The following CLPB variants were observed in gnomAD, a reference collection of about 807,000 sequenced individuals.
The protein encoded by CLPB is ClpB family mitochondrial disaggregase.
In CLPB, 40 loss-of-function variants were observed where a neutral mutation model predicts 78.4. The observed-to-expected ratio is 0.51, with a 90% CI of 0.40 to 0.66. The LOEUF (loss-of-function observed/expected upper bound fraction) is 0.66, where lower values mean the gene tolerates loss of function less well. CLPB is among the 30% of genes least tolerant of loss of function. The probability of loss-of-function intolerance (pLI) is 0.00; values close to 1 mark genes in which losing one functional copy is unlikely to be tolerated. For synonymous variants in CLPB, 333 were observed against 348.0 expected (o/e 0.96, Z 0.48); for missense variants, 780 against 886.9 (o/e 0.88, Z 1.53).
intron 2 of CLPB, among the ~76,000 whole-genome samples, chr11:72,417,972 G>C (rs1051725158): frequency 2.6e-5 from 4 of 152,138 alleles, no homozygotes; most frequent in African/African-American, 9.7e-5. Context: ...AAACACACAG[G>C]CTTCGCAGGA....
At chr11:72,295,793 G>C in intron 11 of CLPB, 145 bp from the exon 12 acceptor site, 1 of 764,000 alleles carries the variant, frequency 1.3e-6, no homozygotes, top group Non-Finnish European at 2.1e-6. Flanking sequence ...TTCCTCCTCT[G>C]GGTTCTCCGA....
intron 5 of CLPB, among the ~76,000 whole-genome samples, chr11:72,333,466 T>A (rs997605677): frequency 1.3e-5 from 2 of 152,266 alleles, no homozygotes. Flanking sequence ...TAGCAACTGA[T>A]ACCTTGGCCA....
chr11:72,391,589 A>G (rs1415584724), intron 3 of CLPB, among the ~76,000 whole-genome samples: 4 of 152,230 alleles, frequency 2.6e-5, no homozygotes, highest in Non-Finnish European at 5.9e-5. Flanking sequence ...TTGATGGAAA[A>G]TGGGAGAGAA....
intron 9 of CLPB, chr11:72,302,711 A>G (rs946681860): frequency 2.0e-4 from 59 of 289,760 alleles, no homozygotes; most frequent in African/African-American, 1.2e-3. Flanking sequence ...CCGGAGTTAC[A>G]ACAGGGAACA....
intron 5 of CLPB, among the ~76,000 whole-genome samples, chr11:72,349,376 T>C (rs1035955535): frequency 1.2e-4 from 18 of 152,244 alleles, no homozygotes; most frequent in African/African-American, 4.3e-4. Flanking sequence ...AATACTCATT[T>C]CCAAAATGCA....
At chr11:72,323,208 A>G (rs1419009131) in intron 6 of CLPB, among the ~76,000 whole-genome samples, 1 of 152,250 alleles carries the variant, frequency 6.6e-6, no homozygotes, top group East Asian at 1.9e-4. Flanking sequence ...GAGTTTAATC[A>G]CAATGAAACA....
chr11:72,408,421 A>G (rs957374751), intron 2 of CLPB, among the ~76,000 whole-genome samples: 4 of 152,136 alleles, frequency 2.6e-5, no homozygotes, highest in African/African-American at 9.7e-5. Context: ...TAATCCCAAC[A>G]CTTTGGGAGG....
rs539585236 is a variant in CLPB, at chr11:72,290,118, G to A, written c.*3249C>T. 1 of 152,286 alleles carries A rather than the reference G, an allele frequency of 6.6e-6. No individual in the cohort carries two copies. The highest frequency in any genetic ancestry group is 1.9e-4 in the East Asian group (1 of 5,176). The allele number at this position is 152,286 out of a possible 1,614,324, so 9.4% of individuals were successfully genotyped here. On this transcript the variant is annotated 3_prime_UTR_variant, in exon 16 of 16. Transcript: ENST00000538039. ...TTTTCTGGAATAAAAGGAACTGGGA[G>A]CTTCTTAGAGAATGACTGATGCCAG...
intron 4 of CLPB, among the ~76,000 whole-genome samples, chr11:72,371,605 T>C (rs1951044142): frequency 6.6e-6 from 1 of 151,244 alleles, no homozygotes; most frequent in African/African-American, 2.4e-5. Flanking sequence ...TGTGTAGAGA[T>C]GGGGTCTCAC....
chr11:72,304,239 A>C (rs1949708093), intron 9 of CLPB: 2 of 152,226 alleles, frequency 1.3e-5, no homozygotes, highest in African/African-American at 4.8e-5. Context: ...ACATGTACTG[A>C]TTGCTTACCA....
chr11:72,348,522 CTTCT>C (rs773187971), intron 5 of CLPB, among the ~76,000 whole-genome samples: 19 of 152,148 alleles, frequency 1.2e-4, no homozygotes, highest in Non-Finnish European at 2.5e-4. Context: ...AGCTTCCTTC[CTTCT>C]CTCTCTTTGT....
intron 2 of CLPB, among the ~76,000 whole-genome samples, chr11:72,421,098 G>C (rs1856183927): frequency 6.6e-6 from 1 of 152,326 alleles, no homozygotes; most frequent in South Asian, 2.1e-4. Context: ...AGGGTGGGAG[G>C]ACCAGCTTTT....
intron 4 of CLPB, among the ~76,000 whole-genome samples, chr11:72,363,043 C>G (rs1321052198): frequency 6.6e-6 from 1 of 152,114 alleles, no homozygotes; most frequent in African/African-American, 2.4e-5. Flanking sequence ...GTAGTCCCAG[C>G]TACTCGGGAG....
intron 5 of CLPB, 32 bp downstream of exon 5, chr11:72,358,848 C>T: frequency 1.2e-6 from 1 of 860,980 alleles, no homozygotes; most frequent in Non-Finnish European, 1.6e-6. Flanking sequence ...TCCACTTCCC[C>T]CACCCCACCC....
intron 5 of CLPB, among the ~76,000 whole-genome samples, chr11:72,353,950 A>G (rs958016215): frequency 6.6e-6 from 1 of 152,162 alleles, no homozygotes; most frequent in Non-Finnish European, 1.5e-5. Flanking sequence ...TAAACGAGTG[A>G]GCACTGAGTG....
At chr11:72,378,414 T>C (rs528630637) in intron 4 of CLPB, among the ~76,000 whole-genome samples, 3 of 152,298 alleles carry the variant, frequency 2.0e-5, no homozygotes, top group African/African-American at 4.8e-5. Context: ...TACATGGCAG[T>C]GGCAAGAGAA....
At chr11:72,384,074 A>C (rs1855003700) in intron 3 of CLPB, among the ~76,000 whole-genome samples, 1 of 152,196 alleles carries the variant, frequency 6.6e-6, no homozygotes, top group Non-Finnish European at 1.5e-5. Context: ...AAATCACTTG[A>C]GCTTGCGGGG....
At chr11:72,316,988 T>C (rs762553534) in intron 7 of CLPB, 118 bp downstream of exon 7, 3 of 619,986 alleles carry the variant, frequency 4.8e-6, no homozygotes, top group African/African-American at 3.8e-5. Context: ...GGCATGTAGA[T>C]AGTACTCAAC....
chr11:72,428,283 C>T (rs75218783), intron 2 of CLPB, among the ~76,000 whole-genome samples: 181 of 152,278 alleles, frequency 1.2e-3, no homozygotes, highest in Non-Finnish European at 2.1e-3. Flanking sequence ...CAGATCGGCC[C>T]TCAGCCTTTT....
Sources: gnomAD v4.1 joint callset for allele counts (sites outside exome capture counted in the v4.1 genomes callset) on GRCh38, gnomAD v4.1.1 for gene constraint, MANE v1.5 for transcripts, NCBI Gene and HGNC (gene_info 2026-07-23, HGNC 2026-07-21) for gene names.